MTTP: variants seen among roughly 807,000 people sequenced by gnomAD.
MTTP encodes microsomal triglyceride transfer protein.
Under a neutral mutation model 90.6 loss-of-function variants are expected in MTTP, and 49 were observed. The ratio of observed to expected loss-of-function variants is 0.54; its 90% CI spans 0.43 to 0.69. The LOEUF (loss-of-function observed/expected upper bound fraction) is 0.69, where lower values mean the gene tolerates loss of function less well. Among genes scored for constraint, MTTP ranks in the 30% least tolerant of loss-of-function variants. The pLI is 0.00. For synonymous variants in MTTP, 347 were observed against 384.2 expected (o/e 0.90, Z 1.13); for missense variants, 945 against 1,067.5 (o/e 0.89, Z 1.60).
At chr4:99,589,347 C>T (rs991796893) in intron 3 of MTTP, among the ~76,000 whole-genome samples, 1 of 151,980 alleles carries the variant, frequency 6.6e-6, no homozygotes, top group Non-Finnish European at 1.5e-5. Flanking sequence ...CATCATTTCT[C>T]TTCCCTGGGC....
At chr4:99,577,134 C>G (rs1365912508) in intron 1 of MTTP, among the ~76,000 whole-genome samples, 1 of 152,060 alleles carries the variant, frequency 6.6e-6, no homozygotes, top group Non-Finnish European at 1.5e-5. Flanking sequence ...GATTCTTTGC[C>G]CTTGTAACAA....
chr4:99,591,513 ATTG>A (rs879519596), intron 5 of MTTP, 135 bp from the exon 6 acceptor site: 27 of 1,120,424 alleles, frequency 2.4e-5, no homozygotes, highest in Non-Finnish European at 3.5e-5. Context: ...ACCCATTTCA[ATTG>A]TTGTAGGTGT....
chr4:99,567,425 C>T (rs1351672341), intron 1 of MTTP, among the ~76,000 whole-genome samples: 1 of 152,108 alleles, frequency 6.6e-6, no homozygotes, highest in African/African-American at 2.4e-5. Context: ...AGTGGGAAGA[C>T]AACAGATCAT....
At chr4:99,596,977 G>T in intron 7 of MTTP, 90 bp from the exon 8 acceptor site, 1 of 1,566,014 alleles carries the variant, frequency 6.4e-7, no homozygotes. Flanking sequence ...TCAGACACAA[G>T]GGACATTTTA....
chr4:99,589,604 T>A, intron 3 of MTTP, 39 bp from the exon 4 acceptor site: 1 of 1,155,308 alleles, frequency 8.7e-7, no homozygotes, highest in Non-Finnish European at 1.3e-6. Flanking sequence ...AATGATGCAT[T>A]TTTGCTTCAT....
intron 3 of MTTP, among the ~76,000 whole-genome samples, chr4:99,589,265 A>T (rs540231314): frequency 3.3e-5 from 5 of 151,222 alleles, no homozygotes; most frequent in South Asian, 4.2e-4. Context: ...CTATTATTTT[A>T]AACCTTAGTT....
chr4:99,579,817 T>G (rs1725059252), intron 1 of MTTP, among the ~76,000 whole-genome samples: 1 of 151,794 alleles, frequency 6.6e-6, no homozygotes, highest in Admixed American at 6.6e-5. Flanking sequence ...GTGGGTGGAT[T>G]GCTTGAGCTC....
chr4:99,584,653 T>C (rs931823127), intron 3 of MTTP, among the ~76,000 whole-genome samples: 4 of 152,152 alleles, frequency 2.6e-5, no homozygotes, highest in African/African-American at 9.6e-5. Flanking sequence ...TCACATGCCA[T>C]TTCTGTCATA....
At chr4:99,603,892 A>G (rs771406265) in intron 10 of MTTP, among the ~76,000 whole-genome samples, 2 of 152,198 alleles carry the variant, frequency 1.3e-5, no homozygotes, top group African/African-American at 2.4e-5. Context: ...TCAAATTTAA[A>G]GTTCTTCTGA....
chr4:99,607,287 C>T (rs993843572), intron 11 of MTTP, among the ~76,000 whole-genome samples: 4 of 152,136 alleles, frequency 2.6e-5, no homozygotes, highest in African/African-American at 7.2e-5. Context: ...TTAAGTATAA[C>T]TTTGTTTGTT....
chr4:99,606,684 CAGTCTCACCCA>C (rs1224314107), intron 10 of MTTP, 53 bp from the exon 11 acceptor site: 1 of 1,529,030 alleles, frequency 6.5e-7, no homozygotes, highest in African/African-American at 1.4e-5. Flanking sequence ...AGAATAAAGC[CAGTCTCACCCA>C]AGTCTTCTTC....
At chr4:99,568,206 A>C (rs1724751194) in intron 1 of MTTP, among the ~76,000 whole-genome samples, 1 of 152,102 alleles carries the variant, frequency 6.6e-6, no homozygotes, top group Non-Finnish European at 1.5e-5. Context: ...AATAAAAGGA[A>C]GGAAGAAATA....
rs374357396 is a variant in MTTP at position 99,611,329 on chromosome 4, C to T, written c.1868-3C>T. Reference sequence around the variant, plus strand: ...TTAAATTACAGTTATTGTGTGTCATCAGGTAGTCCCCGTTCGGCATCTACT... The same window carrying T: ...TTAAATTACAGTTATTGTGTGTCATTAGGTAGTCCCCGTTCGGCATCTACT... On this transcript the variant is annotated splice_region_variant and splice_polypyrimidine_tract_variant and intron_variant, in intron 13 of 17. Transcript: ENST00000265517. 2.2e-5 allele frequency: 36 copies of T among 1,613,952 alleles called. No individual in the cohort carries two copies. Among genetic ancestry groups the T allele is most frequent in the Non-Finnish European group, 3.0e-5 (35 of 1,179,956 alleles).
chr4:99,592,728 C>G (rs1028330074), intron 6 of MTTP, among the ~76,000 whole-genome samples: 1 of 152,084 alleles, frequency 6.6e-6, no homozygotes, highest in Non-Finnish European at 1.5e-5. Context: ...GATAACAATG[C>G]CTTCTTCTGG....
chr4:99,567,758 G>A (rs1724737397), intron 1 of MTTP, among the ~76,000 whole-genome samples: 2 of 152,124 alleles, frequency 1.3e-5, no homozygotes, highest in South Asian at 2.1e-4. Context: ...AAGTGGGAGA[G>A]TAGAGAGGAG....
intron 4 of MTTP, among the ~76,000 whole-genome samples, chr4:99,589,966 GA>G (rs1233508674): frequency 2.0e-5 from 3 of 152,130 alleles, no homozygotes; most frequent in African/African-American, 7.2e-5. Flanking sequence ...TATACTAAAG[GA>G]GCTTCGTGGG....
At chr4:99,570,293 TTCACAAGTATTTTC>T (rs1724812879), upstream of MTTP, among the ~76,000 whole-genome samples, 1 of 152,028 alleles carries the variant, frequency 6.6e-6, no homozygotes, top group Non-Finnish European at 1.5e-5. Flanking sequence ...GAATACTTAA[TTCACAAGTATTTTC>T]TCTCAGCACA....
intron 10 of MTTP, among the ~76,000 whole-genome samples, chr4:99,604,749 C>T (rs1725773247): frequency 6.6e-6 from 1 of 152,002 alleles, no homozygotes; most frequent in African/African-American, 2.4e-5. Context: ...GTTATTTTTT[C>T]CCTCATTTCA....
In MTTP at chr4:99,611,276, C is replaced by T. The variant is rs112568939; in HGVS notation, c.1867+36C>T. ...CAAAAAGAGGTTCTCCTTCCATACC[C>T]CACAACTTAGCATTGCTGGAACTGC... On this transcript the variant is annotated intron_variant, in intron 13 of 17. Transcript: ENST00000265517. The T allele has an allele frequency of 0.024, 38,992 of 1,613,890 alleles. 948 individuals are homozygous for T. The highest frequency in any genetic ancestry group is 0.11 in the Middle Eastern group (663 of 6,062).
Sources: gnomAD v4.1 joint callset for allele counts (sites outside exome capture counted in the v4.1 genomes callset) on GRCh38, gnomAD v4.1.1 for gene constraint, MANE v1.5 for transcripts, NCBI Gene and HGNC (gene_info 2026-07-23, HGNC 2026-07-21) for gene names.